Variants in CELA2B observed in about 807,000 individuals in gnomAD.
CELA2B encodes the protein chymotrypsin-like elastase family member 2B.
A neutral mutation model predicts 36.5 loss-of-function variants in CELA2B; 27 were observed. The ratio of observed to expected loss-of-function variants is 0.74; its 90% CI spans 0.55 to 1.02. The LOEUF is 1.02. Among genes scored for constraint, CELA2B ranks in the 50% least tolerant of loss-of-function variants. The pLI is 0.00. For synonymous variants in CELA2B, 143 were observed against 148.5 expected, an observed-to-expected ratio of 0.96 and a Z score of 0.27; for missense variants, 340 against 347.8, an observed-to-expected ratio of 0.98 and a Z score of 0.18.
At chr1:15,482,414 A>C in intron 4 of CELA2B, 21 bp downstream of exon 4, 1 of 1,613,696 alleles carries the variant, frequency 6.2e-7, no homozygotes, top group Non-Finnish European at 8.5e-7. Context: ...ATCTGGGTGC[A>C]CTTGGGGGTG....
intron 2 of CELA2B, among the ~76,000 whole-genome samples, chr1:15,480,545 G>A (rs1306477191): frequency 1.3e-5 from 2 of 152,126 alleles, no homozygotes; most frequent in East Asian, 1.9e-4. Context: ...AGAAGGGGAA[G>A]GAAACACATC....
At chr1:15,489,824 TC>T (rs1175050182) in intron 7 of CELA2B, among the ~76,000 whole-genome samples, 1 of 151,584 alleles carries the variant, frequency 6.6e-6, no homozygotes, top group Non-Finnish European at 1.5e-5. Flanking sequence ...AAAGTAGAAG[TC>T]CCCCCTCATT....
chr1:15,491,369 T>C lies in CELA2B; in HGVS notation c.*57T>C. 6.3e-7 allele frequency: 1 copy of C among 1,597,410 alleles called. No homozygotes were observed. Among genetic ancestry groups the C allele is most frequent in the Non-Finnish European group, 8.6e-7 (1 of 1,164,914 alleles). ...TGGAAAGGTCACAGAAGGAAAATAA[T>C]ATTATATAAAGTGACAACTATGCAA... On this transcript the variant is annotated 3_prime_UTR_variant, in exon 8 of 8. Coordinates refer to ENST00000375910, the MANE Select transcript of CELA2B (RefSeq NM_015849.3).
intron 4 of CELA2B, 46 bp downstream of exon 4, chr1:15,482,439 C>T (rs778713017): frequency 6.2e-7 from 1 of 1,612,114 alleles, no homozygotes; most frequent in South Asian, 1.1e-5. Flanking sequence ...TGTCAGGGAA[C>T]AGATGGGGGT....
chr1:15,482,978 G>A (rs150790688), intron 4 of CELA2B, among the ~76,000 whole-genome samples: 37 of 152,110 alleles, frequency 2.4e-4, no homozygotes, highest in African/African-American at 4.8e-4. Flanking sequence ...TAGTAGAGAC[G>A]GAGTTTCACT....
At position 15,483,251 on chromosome 1, in the gene CELA2B, C is replaced by T. The variant is rs767922169; in HGVS notation, c.357-13C>T. The stretch of plus-strand genomic sequence containing the variant: ...CAACCCTGTTCTCATGCTCCGCCTC[C>T]GCACTCACCCAGGAACGACATTGCC... On this transcript the variant is annotated splice_polypyrimidine_tract_variant and intron_variant, in intron 4 of 7. Transcript: ENST00000375910. 1.5e-5 allele frequency: 25 copies of T among 1,613,492 alleles called. No individual in the cohort carries two copies. Among genetic ancestry groups the T allele is most frequent in the South Asian group, 3.3e-5 (3 of 91,060 alleles).
chr1:15,487,723 T>C (rs1391707445), intron 7 of CELA2B, among the ~76,000 whole-genome samples: 1 of 152,252 alleles, frequency 6.6e-6, no homozygotes, highest in East Asian at 1.9e-4. Flanking sequence ...AATGATTTTA[T>C]TTTTGTGTAT....
intron 4 of CELA2B, 54 bp downstream of exon 4, chr1:15,482,447 G>A: frequency 6.2e-7 from 1 of 1,610,860 alleles, no homozygotes; most frequent in Non-Finnish European, 8.5e-7. Context: ...AACAGATGGG[G>A]GTCTCACAGA....
At chr1:15,486,837 C>T (rs1270501022) in intron 6 of CELA2B, among the ~76,000 whole-genome samples, 5 of 152,194 alleles carry the variant, frequency 3.3e-5, no homozygotes, top group African/African-American at 4.8e-5. Context: ...GAGATCCACA[C>T]GCCCTTCAGA....
chr1:15,483,178 G>C (rs1708763119), intron 4 of CELA2B, 86 bp from the exon 5 acceptor site: 3 of 1,584,354 alleles, frequency 1.9e-6, no homozygotes, highest in Non-Finnish European at 2.6e-6. Flanking sequence ...GTACAGGGAA[G>C]ATGACAAGGT....
At position 15,491,291 on chromosome 1, in the gene CELA2B, G is replaced by A. The variant is rs764499142; in HGVS notation, c.793-4G>A. 8 of 1,614,022 alleles carry A rather than the reference G, an allele frequency of 5.0e-6. No individual in the cohort carries two copies. The African/African-American group carries it at 5.3e-5, about 11-fold the overall frequency. ...GACAATTTTCTTGTGTGTGTGTCCT[G>A]CAGGTGATTGCAAATAACTAACCAA... On this transcript the variant is annotated splice_region_variant and splice_polypyrimidine_tract_variant and intron_variant, in intron 7 of 7. Coordinates refer to ENST00000375910, the MANE Select transcript of CELA2B (RefSeq NM_015849.3).
At chr1:15,485,273 C>G (rs1440651482) in intron 5 of CELA2B, among the ~76,000 whole-genome samples, 2 of 152,142 alleles carry the variant, frequency 1.3e-5, no homozygotes, top group Non-Finnish European at 2.9e-5. Context: ...GCTGTGGTAA[C>G]AGTAATGGAG....
intron 4 of CELA2B, 33 bp downstream of exon 4, chr1:15,482,426 G>C: frequency 6.2e-7 from 1 of 1,613,278 alleles, no homozygotes; most frequent in Admixed American, 1.7e-5. Flanking sequence ...TTGGGGGTGA[G>C]GTTGTCAGGG....
intron 4 of CELA2B, 30 bp from the exon 5 acceptor site, chr1:15,483,234 T>C (rs1382507581): frequency 6.2e-7 from 1 of 1,612,754 alleles, no homozygotes; most frequent in East Asian, 2.2e-5. Context: ...GTCAACCCTG[T>C]TCTCATGCTC....
intron 2 of CELA2B, among the ~76,000 whole-genome samples, chr1:15,478,988 T>TA (rs2103311385): frequency 6.6e-6 from 1 of 152,216 alleles, no homozygotes; most frequent in African/African-American, 2.4e-5. Context: ...GGCACTGGGT[T>TA]AGCCCGGGGG....
intron 7 of CELA2B, among the ~76,000 whole-genome samples, chr1:15,489,143 G>T (rs1708841054): frequency 6.6e-6 from 1 of 152,232 alleles, no homozygotes; most frequent in African/African-American, 2.4e-5. Context: ...AGCCCCAGCT[G>T]CTGTGGGAGT....
At chr1:15,478,025 G>A (rs1023405719) in intron 2 of CELA2B, among the ~76,000 whole-genome samples, 1 of 152,086 alleles carries the variant, frequency 6.6e-6, no homozygotes, top group Non-Finnish European at 1.5e-5. Flanking sequence ...TAGGCCAGGC[G>A]TGGTGGCTCA....
rs767767134 is a variant in CELA2B, at chr1:15,484,770, C to T, written c.494-1131C>T. ...CAAGCCACTTCCGAACCTCAGTTTC[C>T]TCATCTGTAAAATGGAAACACTGTT... On this transcript the variant is annotated intron_variant, in intron 5 of 7. Coordinates refer to ENST00000375910, the MANE Select transcript of CELA2B (RefSeq NM_015849.3). 3.3e-5 allele frequency among the ~76,000 whole-genome samples: 5 copies of T among 152,124 alleles called. No homozygotes were observed. The South Asian group carries it at 8.3e-4, about 25-fold the overall frequency.
At chr1:15,481,962 C>A (rs1329985091) in intron 3 of CELA2B, among the ~76,000 whole-genome samples, 1 of 152,138 alleles carries the variant, frequency 6.6e-6, no homozygotes, top group East Asian at 1.9e-4. Context: ...TCCTTGAGGG[C>A]AAATGACTCC....
Sources: gnomAD v4.1 joint callset for allele counts (sites outside exome capture counted in the v4.1 genomes callset) on GRCh38, gnomAD v4.1.1 for gene constraint, MANE v1.5 for transcripts, NCBI Gene and HGNC (gene_info 2026-07-23, HGNC 2026-07-21) for gene names.